The following ACADVL variants were observed in gnomAD, a reference collection of about 807,000 sequenced individuals.
ACADVL encodes the protein very long-chain acyl-CoA dehydrogenase, mitochondrial.
ACADVL carries 73 observed loss-of-function variants against 80.4 expected under a neutral mutation model. The ratio of observed to expected loss-of-function variants is 0.91; its 90% CI spans 0.75 to 1.10. The LOEUF is 1.10. Ranked by LOEUF, ACADVL falls within the 50% of genes least tolerant of loss-of-function variation. ACADVL has a pLI of 0.00. For missense variants in ACADVL, 878 were observed against 858.9 expected (o/e 1.02, Z -0.28); for synonymous variants, 392 against 326.5 (o/e 1.20, Z -2.16).
chr17:7,222,930 G>A (rs2071302498), intron 10 of ACADVL, 65 bp downstream of exon 10: 9 of 1,580,246 alleles, frequency 5.7e-6, no homozygotes, highest in Admixed American at 1.7e-5. Context: ...CTTGCCATGT[G>A]TCCCTGATCA....
chr17:7,217,158 C>A, upstream of ACADVL: 1 of 1,289,386 alleles, frequency 7.8e-7, no homozygotes, highest in Non-Finnish European at 9.9e-7. Context: ...GTTGGGGGGC[C>A]TGGCCGCGGC....
rs781658827 is a variant in ACADVL, at chr17:7,223,834, G to A, written c.1291G>A (p.Asp431Asn). ...CTAGGAGGCAGCCTGGAAGGTGACA[G>A]ATGAATGCATCCAAATCATGGGGGG... ...FGSEAAWKVT[D>N]ECIQIMGGMG... Residue 431 changes from aspartate to asparagine, a missense_variant, in exon 13 of 20, where the codon GAT (aspartate) becomes AAT (asparagine). Asp to Asn is a conservative substitution (Grantham distance 23, BLOSUM62 1). Transcript: ENST00000356839. 1.2e-6 allele frequency: 2 copies of A among 1,614,172 alleles called. No homozygotes were observed. The highest frequency in any genetic ancestry group is 8.5e-7 in the Non-Finnish European group (1 of 1,180,040).
intron 2 of ACADVL, 44 bp from the exon 3 acceptor site, chr17:7,220,420 G>GC: frequency 6.2e-7 from 1 of 1,612,224 alleles, no homozygotes. Flanking sequence ...CCTTGACACA[G>GC]CGGAAGTCCC....
At chr17:7,217,676 G>C (rs2070994848), upstream of ACADVL, 1 of 1,490,538 alleles carries the variant, frequency 6.7e-7, no homozygotes, top group Non-Finnish European at 9.0e-7. Flanking sequence ...CCAGAATGGG[G>C]GGGGTGCCTT....
At chr17:7,218,640 C>T, upstream of ACADVL, 4 of 1,559,738 alleles carry the variant, frequency 2.6e-6, no homozygotes, top group Non-Finnish European at 3.5e-6. Flanking sequence ...GACCTGGGAG[C>T]TAGTGAGATG....
chr17:7,217,496 G>T, upstream of ACADVL: 8 of 389,736 alleles, frequency 2.1e-5, no homozygotes, highest in Non-Finnish European at 2.9e-5. Context: ...ATTTCGGGGA[G>T]CCCCGGGGTA....
rs1331004488 is a variant in ACADVL, at chr17:7,222,721, C to A, written c.933C>A (p.Phe311Leu). 1 of 1,613,968 alleles carries A rather than the reference C, an allele frequency of 6.2e-7. No individual in the cohort carries two copies. The highest frequency in any genetic ancestry group is 1.3e-5 in the African/African-American group (1 of 74,894). The change falls in exon 10 of 20, where the codon TTC becomes TTA. Residue 311 changes from phenylalanine to leucine, a missense_variant. Transcript: ENST00000356839. Reference sequence around the variant, plus strand: ...AGGCTTCAAACACAGCAGAGGTGTTCTTTGATGGAGTACGGGTGCCATCGG... The same window carrying A: ...AGGCTTCAAACACAGCAGAGGTGTTATTTGATGGAGTACGGGTGCCATCGG... The part of the protein sequence containing the change: ...GIKASNTAEV[F>L]FDGVRVPSEN...
upstream of ACADVL, chr17:7,217,907 C>A: frequency 1.5e-6 from 2 of 1,297,584 alleles, no homozygotes; most frequent in Non-Finnish European, 2.1e-6. Flanking sequence ...GGCCTCTCGG[C>A]AGGCGGTAGG....
intron 11 of ACADVL, 86 bp downstream of exon 11, chr17:7,223,323 GCA>G: frequency 5.5e-6 from 7 of 1,265,230 alleles, no homozygotes; most frequent in Non-Finnish European, 8.1e-6. Context: ...AGCACCTGGG[GCA>G]GTGGGTCTCC....
rs376281637 is a variant in ACADVL at position 7,223,240 on chromosome 17, G to A, written c.1182+3G>A. 6.2e-7 allele frequency: 1 copy of A among 1,610,652 alleles called. No individual in the cohort carries two copies. Among genetic ancestry groups the A allele is most frequent in the Admixed American group, 1.7e-5 (1 of 60,022 alleles). On this transcript the variant is annotated splice_donor_region_variant and intron_variant, in intron 11 of 19. Coordinates refer to ENST00000356839, the MANE Select transcript of ACADVL (RefSeq NM_000018.4). ...TTATGCTGCAGTATGTAACTGAGGT[G>A]AGGGCCTCCCAAGCCCCTCTCCCTG...
At chr17:7,221,865 A>T in intron 7 of ACADVL, 87 bp from the exon 8 acceptor site, 2 of 1,607,320 alleles carry the variant, frequency 1.2e-6, no homozygotes, top group Non-Finnish European at 8.5e-7. Context: ...GTTAAGGGGG[A>T]ACTGCCTGCT....
rs752609611 is a variant in ACADVL, at chr17:7,223,667, T to C, written c.1206T>C (p.Ala402=). ...VTESMAYMVS[A]NMDQGATDFQ... ...AGTCCATGGCTTACATGGTGAGTGCTAACATGGACCAGGGAGCCACGGACT... is the reference window on the plus strand; with the variant it reads ...AGTCCATGGCTTACATGGTGAGTGCCAACATGGACCAGGGAGCCACGGACT... The change falls in exon 12 of 20, where the codon GCT becomes GCC. Residue 402 remains alanine, a synonymous_variant. Transcript: ENST00000356839. The C allele has an allele frequency of 6.2e-7, 1 of 1,614,074 alleles. No homozygotes were observed. The highest frequency in any genetic ancestry group is 8.5e-7 in the Non-Finnish European group (1 of 1,180,008).
In ACADVL at chr17:7,222,665, A is replaced by G. The variant is rs2071286530; in HGVS notation, c.879-2A>G. The G allele has an allele frequency of 6.2e-7, 1 of 1,612,884 alleles. No homozygotes were observed. ...CTGCTTTCCCACACTGCCCTGACAC[A>G]GTGGGCCCCCTGAGAAGAAGATGGG... On this transcript the variant is annotated splice_acceptor_variant, in intron 9 of 19. Transcript: ENST00000356839. LOFTEE classifies it high-confidence loss of function.
upstream of ACADVL, chr17:7,217,760 C>T: frequency 1.3e-6 from 2 of 1,535,212 alleles, no homozygotes; most frequent in Non-Finnish European, 1.7e-6. Context: ...AGCACAGAGG[C>T]CCCTGAGGCA....
Position 7,221,769 on chromosome 17 carries a change from G to A in ACADVL, c.622+87G>A, listed in dbSNP as rs1041616087. ...CAGTTGGCACTTAGATTATCAGATG[G>A]CTGAGCATTTCAGTTGGGGGAAGGT... On this transcript the variant is annotated intron_variant, in intron 7 of 19. Transcript: ENST00000356839. 21 of 1,604,662 alleles carry A rather than the reference G, an allele frequency of 1.3e-5. 1 individual carries two copies. Among genetic ancestry groups the A allele is most frequent in the Middle Eastern group, 1.7e-4 (1 of 6,054 alleles).
intron 7 of ACADVL, 127 bp downstream of exon 7, chr17:7,221,809 A>G (rs2071242694): frequency 6.3e-7 from 1 of 1,587,336 alleles, no homozygotes; most frequent in Non-Finnish European, 8.6e-7. Context: ...GGGAGGCATC[A>G]CAGTGTGCTG....
intron 11 of ACADVL, 87 bp downstream of exon 11, chr17:7,223,324 C>T (rs1247285453): frequency 8.1e-7 from 1 of 1,235,206 alleles, no homozygotes; most frequent in Non-Finnish European, 1.2e-6. Flanking sequence ...GCACCTGGGG[C>T]AGTGGGTCTC....
Position 7,223,657 on chromosome 17 carries a change from T to A in ACADVL, c.1196T>A (p.Met399Lys), listed in dbSNP as rs2071337455. Residue 399 changes from methionine (M) to lysine (K), a missense_variant, in exon 12 of 20, where the codon ATG (methionine) becomes AAG (lysine). Transcript: ENST00000356839. ...ATGCAACCTCAGTCCATGGCTTACATGGTGAGTGCTAACATGGACCAGGGA... is the reference window on the plus strand; with the variant it reads ...ATGCAACCTCAGTCCATGGCTTACAAGGTGAGTGCTAACATGGACCAGGGA... The part of the protein sequence containing the change: ...LQYVTESMAY[M>K]VSANMDQGAT... 2.5e-6 allele frequency: 4 copies of A among 1,614,074 alleles called. No homozygotes were observed. The highest frequency in any genetic ancestry group is 3.4e-6 in the Non-Finnish European group (4 of 1,180,008).
At chr17:7,219,353 G>A (rs2071077406), upstream of ACADVL, 2 of 979,616 alleles carry the variant, frequency 2.0e-6, no homozygotes, top group Non-Finnish European at 2.5e-6. Flanking sequence ...TGTTCAGGAA[G>A]GTCTCAGAGG....
Sources: allele counts gnomAD v4.1 joint callset, GRCh38; gene constraint gnomAD v4.1.1; transcripts MANE v1.5; gene names NCBI Gene and HGNC (gene_info 2026-07-23, HGNC 2026-07-21).